The following KDM2A variants were observed in gnomAD, a reference collection of about 807,000 sequenced individuals.
The protein encoded by KDM2A is lysine-specific demethylase 2A.
Under a neutral mutation model 137.3 loss-of-function variants are expected in KDM2A, and 3 were observed. The ratio of observed to expected loss-of-function variants is 0.02; its 90% CI spans 0.01 to 0.06. The LOEUF (loss-of-function observed/expected upper bound fraction) is 0.06, where lower values mean the gene tolerates loss of function less well. KDM2A is among the 10% of genes least tolerant of loss of function. The probability of loss-of-function intolerance (pLI) is 1.00; values close to 1 mark genes in which losing one functional copy is unlikely to be tolerated. For synonymous variants in KDM2A, 512 were observed against 541.5 expected (o/e 0.95, Z 0.76); for missense variants, 738 against 1,510.6 (o/e 0.49, Z 8.48).
chr11:67,179,571 C>A (rs138707455), intron 2 of KDM2A, among the ~76,000 whole-genome samples: 186 of 152,330 alleles, frequency 1.2e-3, no homozygotes, highest in African/African-American at 4.1e-3. Flanking sequence ...TGAGCCACCG[C>A]ACCCGGCCTG....
intron 6 of KDM2A, among the ~76,000 whole-genome samples, chr11:67,213,348 T>A (rs922906937): frequency 6.6e-6 from 1 of 152,236 alleles, no homozygotes; most frequent in African/African-American, 2.4e-5. Context: ...TCTCGAGTTT[T>A]ACCTACCTGG....
At position 67,207,591 on chromosome 11, in the gene KDM2A, A is replaced by G. The variant is rs766987445; in HGVS notation, c.389A>G (p.Tyr130Cys). 1.9e-6 allele frequency: 3 copies of G among 1,613,856 alleles called. No homozygotes were observed. Among genetic ancestry groups the G allele is most frequent in the East Asian group, 2.2e-5 (1 of 44,886 alleles). ...EMTMAQWTRY[Y>C]ETPEEEREKL... Reference sequence around the variant, plus strand: ...ACCATGGCTCAGTGGACACGCTACTATGAGACCCCAGAGGAGGAGCGAGAG... The same window carrying G: ...ACCATGGCTCAGTGGACACGCTACTGTGAGACCCCAGAGGAGGAGCGAGAG... Residue 130 changes from tyrosine to cysteine, a missense_variant, in exon 6 of 21, where the codon TAT (tyrosine) becomes TGT (cysteine). Physicochemically the swap from Tyr to Cys is radical, Grantham distance 194. Transcript: ENST00000529006.
rs7935423 is a variant in KDM2A at position 67,171,760 on chromosome 11, C to G, written c.43-8319C>G. Among the ~76,000 whole-genome samples, 1,338 of 152,308 alleles carry G rather than the reference C, an allele frequency of 8.8e-3. 10 individuals are homozygous for G. The highest frequency in any genetic ancestry group is 0.014 in the Non-Finnish European group (986 of 68,024). ...CTCAAACTCCTGGCCTCAAGTGATC[C>G]TCGTGCCTTGGCCTCCCAGAGTGCT... On this transcript the variant is annotated intron_variant, in intron 2 of 20. Transcript: ENST00000529006.
At chr11:67,127,769 G>T (rs998669010) in intron 2 of KDM2A, among the ~76,000 whole-genome samples, 15 of 151,880 alleles carry the variant, frequency 9.9e-5, no homozygotes, top group Non-Finnish European at 7.4e-5. Flanking sequence ...GTGCTATGAC[G>T]CAATCTGGGC....
At chr11:67,229,224 C>T (rs1267189197) in intron 11 of KDM2A, among the ~76,000 whole-genome samples, 1 of 152,182 alleles carries the variant, frequency 6.6e-6, no homozygotes, top group African/African-American at 2.4e-5. Context: ...TATTTAAAAA[C>T]TTGTCCATGA....
At position 67,173,669 on chromosome 11, in the gene KDM2A, G is replaced by A. The variant is rs77509449; in HGVS notation, c.43-6410G>A. 2.7e-3 allele frequency among the ~76,000 whole-genome samples: 414 copies of A among 152,242 alleles called. 13 individuals carry two copies. In the East Asian group the frequency reaches 0.05, roughly 19 times the overall value. On this transcript the variant is annotated intron_variant, in intron 2 of 20. Coordinates refer to ENST00000529006, the MANE Select transcript of KDM2A (RefSeq NM_012308.3). ...CTCCCAGAGTGCTAAGATTACAGGT[G>A]TGAGCCACTGCACTTAGCCTGGTTT... is the stretch of plus-strand genomic sequence containing the variant.
chr11:67,129,747 A>AG (rs1855809564), intron 2 of KDM2A, among the ~76,000 whole-genome samples: 2 of 144,440 alleles, frequency 1.4e-5, no homozygotes, highest in South Asian at 4.2e-4. Context: ...AAAAAAAAAA[A>AG]AAAGAAAAAG....
chr11:67,200,831 A>G (rs1857601978), intron 5 of KDM2A, among the ~76,000 whole-genome samples: 1 of 152,154 alleles, frequency 6.6e-6, no homozygotes. Context: ...TTTTCATGCC[A>G]GATAGCAGTA....
At chr11:67,240,186 C>T in intron 12 of KDM2A, 1 of 1,522,882 alleles carries the variant, frequency 6.6e-7, no homozygotes, top group South Asian at 1.2e-5. Context: ...TCTGAAGGGT[C>T]AGAGCTGGAC....
chr11:67,217,406 T>C (rs1253506622), intron 8 of KDM2A: 2 of 283,798 alleles, frequency 7.0e-6, no homozygotes, highest in Non-Finnish European at 1.3e-5. Context: ...TAATTAACTG[T>C]ACTACTTAGG....
chr11:67,224,865 G>C (rs1858487858), intron 10 of KDM2A, among the ~76,000 whole-genome samples: 1 of 103,766 alleles, frequency 9.6e-6, no homozygotes, highest in Non-Finnish European at 1.8e-5. Context: ...TTTGGAGACA[G>C]AGTTTCGCTG....
intron 2 of KDM2A, among the ~76,000 whole-genome samples, chr11:67,179,854 C>G (rs1857048400): frequency 6.6e-6 from 1 of 152,108 alleles, no homozygotes; most frequent in Admixed American, 6.6e-5. Flanking sequence ...AAAGAATTAG[C>G]AAGGGTAAAA....
chr11:67,203,401 CAAA>C (rs35308559), intron 5 of KDM2A, among the ~76,000 whole-genome samples: 1 of 147,792 alleles, frequency 6.8e-6, no homozygotes, highest in Non-Finnish European at 1.5e-5. Context: ...TCTGAAAATA[CAAA>C]ATAGTCTAGT....
intron 5 of KDM2A, among the ~76,000 whole-genome samples, chr11:67,203,946 G>A (rs764809838): frequency 1.2e-4 from 18 of 151,884 alleles, no homozygotes; most frequent in South Asian, 2.1e-4. Flanking sequence ...GACTATGGCC[G>A]CGTACCACCA....
intron 5 of KDM2A, among the ~76,000 whole-genome samples, chr11:67,203,506 T>C (rs1165322164): frequency 6.8e-6 from 1 of 147,540 alleles, no homozygotes; most frequent in Non-Finnish European, 1.5e-5. Flanking sequence ...TTTTATATAA[T>C]ATATAATATA....
chr11:67,234,769 C>A (rs1046392034), intron 12 of KDM2A, among the ~76,000 whole-genome samples: 1 of 152,180 alleles, frequency 6.6e-6, no homozygotes, highest in African/African-American at 2.4e-5. Context: ...GGGAGGATCA[C>A]TTGAGCTGGG....
chr11:67,147,406 G>T (rs1435934287), intron 2 of KDM2A, among the ~76,000 whole-genome samples: 2 of 151,854 alleles, frequency 1.3e-5, no homozygotes, highest in African/African-American at 4.8e-5. Context: ...GCCGGGTGTG[G>T]TGGCGGGTGC....
At chr11:67,225,161 G>A (rs935792519) in intron 10 of KDM2A, among the ~76,000 whole-genome samples, 8 of 151,948 alleles carry the variant, frequency 5.3e-5, no homozygotes, top group East Asian at 1.9e-4. Flanking sequence ...ACTTTGCCAC[G>A]AACTATCTCG....
chr11:67,152,937 TGTGTGTGTGTGTGTG>T, intron 2 of KDM2A, among the ~76,000 whole-genome samples: 1 of 150,826 alleles, frequency 6.6e-6, no homozygotes, highest in South Asian at 2.1e-4. Flanking sequence ...TGTGTGTGTG[TGTGTGTGTGTGTGTG>T]TTTTCAGGAA....
Sources: allele counts gnomAD v4.1 joint callset (sites outside exome capture counted in the v4.1 genomes callset), GRCh38; gene constraint gnomAD v4.1.1; transcripts MANE v1.5; gene names NCBI Gene and HGNC (gene_info 2026-07-23, HGNC 2026-07-21).